ADAM29: variants seen among roughly 807,000 people sequenced by gnomAD.
ADAM29 encodes ADAM metallopeptidase domain 29.
For synonymous variants in ADAM29, 367 were observed against 342.3 expected, an observed-to-expected ratio of 1.07 and a Z score of -0.80; for missense variants, 969 against 1,001.8, an observed-to-expected ratio of 0.97 and a Z score of 0.44.
Position 174,959,515 on chromosome 4 carries a change from T to A in ADAM29, c.-180-15831T>A, listed in dbSNP as rs562938633. ...TGTTTGTGTGTGTCTGAATGAAATATTTACCCTGCTTGGTGTTTTCTGAGT... is the reference window on the plus strand; with the variant it reads ...TGTTTGTGTGTGTCTGAATGAAATAATTACCCTGCTTGGTGTTTTCTGAGT... On this transcript the variant is annotated intron_variant, in intron 4 of 4. Coordinates refer to ENST00000359240, the MANE Select transcript of ADAM29 (RefSeq NM_014269.4). 3.3e-5 allele frequency among the ~76,000 whole-genome samples: 5 copies of A among 151,126 alleles called. No individual in the cohort carries two copies. In the South Asian group the frequency reaches 1.0e-3, roughly 31 times the overall value.
chr4:174,971,981 GCTCT>G (rs1320589269), intron 4 of ADAM29, among the ~76,000 whole-genome samples: 1 of 152,118 alleles, frequency 6.6e-6, no homozygotes, highest in Non-Finnish European at 1.5e-5. Flanking sequence ...CATTGCTGAA[GCTCT>G]CTATTAAATA....
chr4:174,976,673 A>G lies in ADAM29; in HGVS notation c.1148A>G (p.Lys383Arg). 1 of 1,614,000 alleles carries G rather than the reference A, an allele frequency of 6.2e-7. No individual in the cohort carries two copies. The highest frequency in any genetic ancestry group is 8.5e-7 in the Non-Finnish European group (1 of 1,179,960). The change falls in exon 5 of 5, where the codon AAG becomes AGG. Residue 383 changes from lysine to arginine, a missense_variant. By Grantham distance (26) the Lys-to-Arg change is conservative. Coordinates refer to ENST00000359240, the MANE Select transcript of ADAM29 (RefSeq NM_014269.4). Reference sequence around the variant, plus strand: ...TGGGAATATACTGTAGAGAGGACAAAGTGTTTGCTTGAAACAGTACACACA... The same window carrying G: ...TGGGAATATACTGTAGAGAGGACAAGGTGTTTGCTTGAAACAGTACACACA... ...DFWEYTVERT[K>R]CLLETVHTKD...
Position 174,973,485 on chromosome 4 carries a change from G to A in ADAM29, c.-180-1861G>A, listed in dbSNP as rs2111108103. Among the ~76,000 whole-genome samples, 2 of 152,306 alleles carry A rather than the reference G, an allele frequency of 1.3e-5. 1 individual carries two copies. Among genetic ancestry groups the A allele is most frequent in the South Asian group, 4.1e-4 (2 of 4,828 alleles). On this transcript the variant is annotated intron_variant, in intron 4 of 4. Coordinates refer to ENST00000359240, the MANE Select transcript of ADAM29 (RefSeq NM_014269.4). Reference sequence around the variant, plus strand: ...CTTACAAAGATAATTTGTTCAAATTGTTGTTGAAATATGTTCTGGGGAGTA... The same window carrying A: ...CTTACAAAGATAATTTGTTCAAATTATTGTTGAAATATGTTCTGGGGAGTA...
chr4:174,953,174 T>G (rs1472372020), intron 4 of ADAM29, among the ~76,000 whole-genome samples: 1 of 151,990 alleles, frequency 6.6e-6, no homozygotes, highest in Non-Finnish European at 1.5e-5. Flanking sequence ...TAGTCCCAGC[T>G]ACTTGGGAGG....
chr4:174,967,385 G>A (rs1746213054), intron 4 of ADAM29, among the ~76,000 whole-genome samples: 1 of 152,034 alleles, frequency 6.6e-6, no homozygotes. Context: ...GGTACTTGGA[G>A]TTTCTAAGAA....
Position 174,975,834 on chromosome 4 carries a change from T to C in ADAM29, c.309T>C (p.His103=). 1 of 1,614,176 alleles carries C rather than the reference T, an allele frequency of 6.2e-7. No homozygotes were observed. The highest frequency in any genetic ancestry group is 8.5e-7 in the Non-Finnish European group (1 of 1,180,018). ...QPFVQNNCYY[H]GYVEGDPESL... The stretch of plus-strand genomic sequence containing the variant: ...TTGTCCAGAATAACTGCTACTATCA[T>C]GGTTATGTGGAAGGGGACCCAGAAT... The change falls in exon 5 of 5, where the codon CAT becomes CAC. Residue 103 remains histidine (H), a synonymous_variant. Coordinates refer to ENST00000359240, the MANE Select transcript of ADAM29 (RefSeq NM_014269.4).
rs368240919 is a variant in ADAM29 at position 174,947,574 on chromosome 4, G to A, written c.-181+10561G>A. On this transcript the variant is annotated intron_variant, in intron 4 of 4. Transcript: ENST00000359240. ...GGTTTTGAGCAATCTTCTTACTATT[G>A]ATTTCTATTTTTATTGTGTTGTGAT... Among the ~76,000 whole-genome samples the A allele has an allele frequency of 4.6e-5, 7 of 152,188 alleles. No individual in the cohort carries two copies. The South Asian group carries it at 1.5e-3, about 32-fold the overall frequency.
At chr4:174,919,262 A>G (rs1743037770) in intron 1 of ADAM29, among the ~76,000 whole-genome samples, 1 of 152,190 alleles carries the variant, frequency 6.6e-6, no homozygotes, top group Admixed American at 6.5e-5. Flanking sequence ...TCTTTTCTGA[A>G]AGATCATAAC....
intron 4 of ADAM29, among the ~76,000 whole-genome samples, chr4:174,973,003 T>C (rs1418721195): frequency 6.6e-6 from 1 of 152,200 alleles, no homozygotes; most frequent in Non-Finnish European, 1.5e-5. Context: ...AGATAGATGC[T>C]AGATCTTCAG....
At chr4:174,939,580 G>C (rs936278777) in intron 4 of ADAM29, among the ~76,000 whole-genome samples, 1 of 151,906 alleles carries the variant, frequency 6.6e-6, no homozygotes, top group Non-Finnish European at 1.5e-5. Flanking sequence ...ATAATAAATG[G>C]GTTTTGGCAA....
intron 4 of ADAM29, 39 bp from the exon 5 acceptor site, chr4:174,975,307 G>A (rs964079540): frequency 5.1e-6 from 2 of 394,496 alleles, no homozygotes; most frequent in Non-Finnish European, 8.9e-6. Context: ...AAGAATTTCT[G>A]TACACTCATC....
At chr4:174,961,764 T>C (rs960874595) in intron 4 of ADAM29, among the ~76,000 whole-genome samples, 3 of 152,200 alleles carry the variant, frequency 2.0e-5, no homozygotes, top group Non-Finnish European at 4.4e-5. Context: ...TTTCTTGTTT[T>C]AATTATCATG....
Position 174,932,739 on chromosome 4 carries a change from G to A in ADAM29, c.-262+1565G>A, listed in dbSNP as rs527984471. On this transcript the variant is annotated intron_variant, in intron 3 of 4. Transcript: ENST00000359240. Reference sequence around the variant, plus strand: ...TTTGTCCAAACTAAATGAAAATTTTGCAGTGAAAAAAGGGGAAAGTCTGAG... The same window carrying A: ...TTTGTCCAAACTAAATGAAAATTTTACAGTGAAAAAAGGGGAAAGTCTGAG... 2.6e-5 allele frequency among the ~76,000 whole-genome samples: 4 copies of A among 152,152 alleles called. No individual in the cohort carries two copies. The South Asian group carries it at 6.2e-4, about 24-fold the overall frequency.
chr4:174,970,891 TTTTG>T (rs1218493750), intron 4 of ADAM29, among the ~76,000 whole-genome samples: 5 of 152,122 alleles, frequency 3.3e-5, no homozygotes, highest in Admixed American at 2.0e-4. Context: ...CATTTATGAA[TTTTG>T]TTTGTCTTTA....
Position 174,976,530 on chromosome 4 carries a change from T to A in ADAM29, c.1005T>A (p.Gly335=). 3 of 1,607,374 alleles carry A rather than the reference T, an allele frequency of 1.9e-6. No individual in the cohort carries two copies. Among genetic ancestry groups the A allele is most frequent in the Admixed American group, 1.7e-5 (1 of 59,114 alleles). Residue 335 remains glycine, a synonymous_variant, in exon 5 of 5, where the codon GGT becomes GGA. Transcript: ENST00000359240. The part of the protein sequence containing the change: ...TFSIAVAHHL[G]HNLGMNHDED... ...CAATTGCAGTGGCTCATCATCTAGG[T>A]CATAATTTGGGCATGAACCATGATG...
chr4:174,973,495 T>C (rs1475296512), intron 4 of ADAM29, among the ~76,000 whole-genome samples: 2 of 152,192 alleles, frequency 1.3e-5, no homozygotes, highest in African/African-American at 4.8e-5. Context: ...GTTGTTGAAA[T>C]ATGTTCTGGG....
At position 174,972,772 on chromosome 4, in the gene ADAM29, T is replaced by C. The variant is rs993631779; in HGVS notation, c.-180-2574T>C. Among the ~76,000 whole-genome samples, 24 of 152,242 alleles carry C rather than the reference T, an allele frequency of 1.6e-4. 1 individual carries two copies. The highest frequency in any genetic ancestry group is 5.1e-4 in the African/African-American group (21 of 41,540). ...CTAAGACTGGTCAGTAAGATGCCAG[T>C]TCTTTGGAGAGCCCTGGAGAAATTT... On this transcript the variant is annotated intron_variant, in intron 4 of 4. Coordinates refer to ENST00000359240, the MANE Select transcript of ADAM29 (RefSeq NM_014269.4).
chr4:174,936,655 A>G (rs1579022971), intron 3 of ADAM29, among the ~76,000 whole-genome samples: 1 of 151,914 alleles, frequency 6.6e-6, no homozygotes, highest in East Asian at 1.9e-4. Context: ...AGCCTCCTAA[A>G]CGGTACTATT....
chr4:174,950,498 A>C (rs1244803548), intron 4 of ADAM29, among the ~76,000 whole-genome samples: 1 of 152,174 alleles, frequency 6.6e-6, no homozygotes, highest in Non-Finnish European at 1.5e-5. Flanking sequence ...CCCTATATTG[A>C]CTATCCTTTC....
Sources: gnomAD v4.1 joint callset for allele counts (sites outside exome capture counted in the v4.1 genomes callset) on GRCh38, gnomAD v4.1.1 for gene constraint, MANE v1.5 for transcripts, NCBI Gene and HGNC (gene_info 2026-07-23, HGNC 2026-07-21) for gene names.